AGPAT4: variants seen among roughly 807,000 people sequenced by gnomAD.
AGPAT4 encodes 1-acyl-sn-glycerol-3-phosphate acyltransferase delta.
In AGPAT4, 15 loss-of-function variants were observed where a neutral mutation model predicts 48.0. That is an observed-to-expected ratio of 0.31 (90% confidence interval 0.21 to 0.48). The LOEUF (loss-of-function observed/expected upper bound fraction) is 0.48, where lower values mean the gene tolerates loss of function less well. Among genes scored for constraint, AGPAT4 ranks in the 20% least tolerant of loss-of-function variants. The pLI is 0.99. For missense variants in AGPAT4, 314 were observed against 482.5 expected, an observed-to-expected ratio of 0.65 and a Z score of 3.27; for synonymous variants, 178 against 198.7, an observed-to-expected ratio of 0.90 and a Z score of 0.88.
rs78560665 is a variant in AGPAT4 at position 161,263,004 on chromosome 6, G to C, written c.-90+10934C>G. ...GAAGGCCCACCAAGGCGAGTGACCA[G>C]AGGCAGAAGAGACAGACCCAAGCCA... On this transcript the variant is annotated intron_variant, in intron 1 of 8. Coordinates refer to ENST00000320285, the MANE Select transcript of AGPAT4 (RefSeq NM_020133.3). Among the ~76,000 whole-genome samples, 43 of 152,260 alleles carry C rather than the reference G, an allele frequency of 2.8e-4. No homozygotes were observed. The East Asian group carries it at 8.3e-3, about 29-fold the overall frequency.
intron 2 of AGPAT4, among the ~76,000 whole-genome samples, chr6:161,207,971 G>T (rs1315291848): frequency 6.6e-6 from 1 of 152,078 alleles, no homozygotes; most frequent in African/African-American, 2.4e-5. Flanking sequence ...ATCATTCAAG[G>T]CATGCCTTGA....
intron 2 of AGPAT4, among the ~76,000 whole-genome samples, chr6:161,181,471 G>A (rs1341049822): frequency 6.6e-6 from 1 of 150,810 alleles, no homozygotes; most frequent in African/African-American, 2.4e-5. Context: ...ACCTCCCCTG[G>A]GTATTAGGCC....
chr6:161,224,657 A>AAAAG (rs993547226), intron 2 of AGPAT4, among the ~76,000 whole-genome samples: 1 of 151,460 alleles, frequency 6.6e-6, no homozygotes, highest in Non-Finnish European at 1.5e-5. Flanking sequence ...AAAAAAAAAA[A>AAAAG]AAAGAAAGAA....
In AGPAT4 at chr6:161,244,174, C is replaced by A. The variant is rs947387473; in HGVS notation, c.-89-11872G>T. ...TTCCTGATCTCAAACAGACATACAG[C>A]GAGGAGCTGACGACACAATTCTAAC... is the stretch of plus-strand genomic sequence containing the variant. On this transcript the variant is annotated intron_variant, in intron 1 of 8. Coordinates refer to ENST00000320285, the MANE Select transcript of AGPAT4 (RefSeq NM_020133.3). This position sits in a 1 kb window ranked among gnomAD's most constrained non-coding sequence, Gnocchi z 4.7. 6.6e-6 allele frequency among the ~76,000 whole-genome samples: 1 copy of A among 152,136 alleles called. No individual in the cohort carries two copies. Among genetic ancestry groups the A allele is most frequent in the African/African-American group, 2.4e-5 (1 of 41,424 alleles).
chr6:161,222,167 A>G lies in AGPAT4; in HGVS notation c.178+9869T>C, dbSNP rs1425062709. Among the ~76,000 whole-genome samples the G allele has an allele frequency of 6.6e-6, 1 of 152,230 alleles. No individual in the cohort carries two copies. The highest frequency in any genetic ancestry group is 1.5e-5 in the Non-Finnish European group (1 of 68,038). ...CACACCCAGCCTGGAAGATGCAGTC[A>G]ATCCATCCATCAATCAATAAAAGGT... On this transcript the variant is annotated intron_variant, in intron 2 of 8. Coordinates refer to ENST00000320285, the MANE Select transcript of AGPAT4 (RefSeq NM_020133.3). The surrounding 1 kb of genome is among the most constrained non-coding windows in gnomAD (Gnocchi z 5.9).
chr6:161,260,675 A>C (rs1336038023), intron 1 of AGPAT4, among the ~76,000 whole-genome samples: 15 of 150,574 alleles, frequency 1.0e-4, no homozygotes, highest in Admixed American at 5.9e-4. Context: ...AAAAAAAAAA[A>C]AAAAAAACAG....
chr6:161,135,508 T>G lies in AGPAT4; in HGVS notation c.*1032A>C, dbSNP rs575919786. On this transcript the variant is annotated 3_prime_UTR_variant, in exon 9 of 9. Transcript: ENST00000320285. ...CGGAAGGAAGGCAGAAGCCTGGGGG[T>G]TTTTTGTACATGGGATGTCGGCTCT... The G allele has an allele frequency of 6.6e-6, 1 of 152,050 alleles. No homozygotes were observed. Among genetic ancestry groups the G allele is most frequent in the East Asian group, 1.9e-4 (1 of 5,170 alleles). The allele number at this position is 152,050 out of a possible 1,614,324, so 9.4% of individuals were successfully genotyped here.
chr6:161,243,509 G>A lies in AGPAT4; in HGVS notation c.-89-11207C>T, dbSNP rs1269321765. ...TGTGCCCAGAGCCTGCAGGAGAGGCGCTGTTTCCTAGCTGTGCAATCTTGG... is the reference window on the plus strand; with the variant it reads ...TGTGCCCAGAGCCTGCAGGAGAGGCACTGTTTCCTAGCTGTGCAATCTTGG... On this transcript the variant is annotated intron_variant, in intron 1 of 8. Coordinates refer to ENST00000320285, the MANE Select transcript of AGPAT4 (RefSeq NM_020133.3). This position sits in a 1 kb window ranked among gnomAD's most constrained non-coding sequence, Gnocchi z 4.8. 2.0e-5 allele frequency among the ~76,000 whole-genome samples: 3 copies of A among 152,190 alleles called. No homozygotes were observed. The highest frequency in any genetic ancestry group is 3.9e-4 in the East Asian group (2 of 5,192).
rs1190026054 is a variant in AGPAT4, at chr6:161,202,594, C to A, written c.178+29442G>T. On this transcript the variant is annotated intron_variant, in intron 2 of 8. Transcript: ENST00000320285. This position sits in a 1 kb window ranked among gnomAD's most constrained non-coding sequence, Gnocchi z 5.4. ...CATATTTAAAAATTACCATCTATAA[C>A]AGACTGTATTTTCCAAAGATGGCTA... 6.6e-6 allele frequency among the ~76,000 whole-genome samples: 1 copy of A among 152,140 alleles called. No homozygotes were observed. Among genetic ancestry groups the A allele is most frequent in the Non-Finnish European group, 1.5e-5 (1 of 68,030 alleles).
intron 2 of AGPAT4, among the ~76,000 whole-genome samples, chr6:161,207,169 C>G (rs918450302): frequency 6.6e-6 from 1 of 152,174 alleles, no homozygotes; most frequent in African/African-American, 2.4e-5. Context: ...TGTGGACAAT[C>G]AATTAGTGAT....
In AGPAT4 at chr6:161,267,706, G is replaced by C. The variant is rs1783305221; in HGVS notation, c.-90+6232C>G. Among the ~76,000 whole-genome samples the C allele has an allele frequency of 6.6e-6, 1 of 151,108 alleles. No homozygotes were observed. Among genetic ancestry groups the C allele is most frequent in the Non-Finnish European group, 1.5e-5 (1 of 67,852 alleles). On this transcript the variant is annotated intron_variant, in intron 1 of 8. Transcript: ENST00000320285. This position sits in a 1 kb window ranked among gnomAD's most constrained non-coding sequence, Gnocchi z 5.2. The stretch of plus-strand genomic sequence containing the variant: ...CATTGCACTCCAGCCTGGGCAACAA[G>C]AACAAAACTCTGTCTCAAAAAAAAA...
intron 2 of AGPAT4, among the ~76,000 whole-genome samples, chr6:161,209,628 C>T (rs933228267): frequency 4.6e-5 from 7 of 152,080 alleles, no homozygotes; most frequent in African/African-American, 1.2e-4. Context: ...ATGTCAGACC[C>T]GAACAGGCTC....
chr6:161,259,851 C>T lies in AGPAT4; in HGVS notation c.-90+14087G>A, dbSNP rs1194479939. 6.6e-6 allele frequency among the ~76,000 whole-genome samples: 1 copy of T among 152,138 alleles called. No individual in the cohort carries two copies. Among genetic ancestry groups the T allele is most frequent in the African/African-American group, 2.4e-5 (1 of 41,430 alleles). On this transcript the variant is annotated intron_variant, in intron 1 of 8. Coordinates refer to ENST00000320285, the MANE Select transcript of AGPAT4 (RefSeq NM_020133.3). The surrounding 1 kb of genome is among the most constrained non-coding windows in gnomAD (Gnocchi z 4.9). ...TTTTTACAATGTCAGCACCTAGCTC[C>T]ATGGTATCTATGTGCACGCTGCACC...
chr6:161,138,129 C>A lies in AGPAT4; in HGVS notation c.1042+1293G>T, dbSNP rs1779132133. ...CCTGCAGCTGCCCCGGACCCTTGGC[C>A]AGCCTCAGCATGGCGGGGCATGGGG... On this transcript the variant is annotated intron_variant, in intron 8 of 8. Coordinates refer to ENST00000320285, the MANE Select transcript of AGPAT4 (RefSeq NM_020133.3). This position sits in a 1 kb window ranked among gnomAD's most constrained non-coding sequence, Gnocchi z 4.8. 6.6e-6 allele frequency among the ~76,000 whole-genome samples: 1 copy of A among 152,216 alleles called. No individual in the cohort carries two copies. Among genetic ancestry groups the A allele is most frequent in the African/African-American group, 2.4e-5 (1 of 41,458 alleles).
At position 161,272,800 on chromosome 6, in the gene AGPAT4, T is replaced by A. The variant is rs1471652798; in HGVS notation, c.-90+1138A>T. Reference sequence around the variant, plus strand: ...CTGAGAGTCGTTGACTAATCACAGATGAGTTAATCCTTCCACAGTTTTGAA... The same window carrying A: ...CTGAGAGTCGTTGACTAATCACAGAAGAGTTAATCCTTCCACAGTTTTGAA... On this transcript the variant is annotated intron_variant, in intron 1 of 8. Transcript: ENST00000320285. The surrounding 1 kb of genome is among the most constrained non-coding windows in gnomAD (Gnocchi z 4.2). Among the ~76,000 whole-genome samples the A allele has an allele frequency of 6.6e-6, 1 of 152,100 alleles. No individual in the cohort carries two copies. Among genetic ancestry groups the A allele is most frequent in the Non-Finnish European group, 1.5e-5 (1 of 68,036 alleles).
rs917621050 is a variant in AGPAT4 at position 161,240,331 on chromosome 6, T to C, written c.-89-8029A>G. 1.1e-4 allele frequency among the ~76,000 whole-genome samples: 17 copies of C among 152,192 alleles called. No individual in the cohort carries two copies. Among genetic ancestry groups the C allele is most frequent in the Admixed American group, 1.1e-3 (17 of 15,286 alleles). Reference sequence around the variant, plus strand: ...CAAGACTACAGCTTCAGCATCTTTATCCTTAGGAAGAAACTGACAAGGTGC... The same window carrying C: ...CAAGACTACAGCTTCAGCATCTTTACCCTTAGGAAGAAACTGACAAGGTGC... On this transcript the variant is annotated intron_variant, in intron 1 of 8. Coordinates refer to ENST00000320285, the MANE Select transcript of AGPAT4 (RefSeq NM_020133.3). This position sits in a 1 kb window ranked among gnomAD's most constrained non-coding sequence, Gnocchi z 5.5.
rs1215165920 is a variant in AGPAT4 at position 161,133,014 on chromosome 6, A to T, written c.*3526T>A. 1.3e-5 allele frequency: 2 copies of T among 152,186 alleles called. No individual in the cohort carries two copies. Among genetic ancestry groups the T allele is most frequent in the Non-Finnish European group, 2.9e-5 (2 of 68,026 alleles). 9.4% of individuals were successfully genotyped at this position (152,186 alleles called of 1,614,324 possible). A position where few individuals can be genotyped will look rare whatever the true frequency, so the allele number is the denominator to read the frequency against. The stretch of plus-strand genomic sequence containing the variant: ...CCAAAGTATTTGTTTTTCTCACTTT[A>T]TCTTTAACCTAGTATGTGGCAAGTC... On this transcript the variant is annotated 3_prime_UTR_variant, in exon 9 of 9. Coordinates refer to ENST00000320285, the MANE Select transcript of AGPAT4 (RefSeq NM_020133.3).
In AGPAT4 at chr6:161,149,010, G is replaced by C. The variant is rs1002948885; in HGVS notation, c.767+177C>G. The stretch of plus-strand genomic sequence containing the variant: ...CAGAGGATCCGGAAGGAGCTGGGAC[G>C]GAAGGAGACTTCAGCAGATCATTCC... On this transcript the variant is annotated intron_variant, in intron 6 of 8. Transcript: ENST00000320285. This position sits in a 1 kb window ranked among gnomAD's most constrained non-coding sequence, Gnocchi z 6.5. Among the ~76,000 whole-genome samples the C allele has an allele frequency of 7.7e-4, 118 of 152,302 alleles. No individual in the cohort carries two copies. Among genetic ancestry groups the C allele is most frequent in the African/African-American group, 2.6e-3 (110 of 41,558 alleles).
Position 161,178,871 on chromosome 6 carries a change from A to G in AGPAT4, c.179-12454T>C, listed in dbSNP as rs983594814. Reference sequence around the variant, plus strand: ...AGTGAATGCCATCTCTCTACAAAGCAGTCACATTCGGATTCTGCTCTTGCA... The same window carrying G: ...AGTGAATGCCATCTCTCTACAAAGCGGTCACATTCGGATTCTGCTCTTGCA... On this transcript the variant is annotated intron_variant, in intron 2 of 8. Coordinates refer to ENST00000320285, the MANE Select transcript of AGPAT4 (RefSeq NM_020133.3). This position sits in a 1 kb window ranked among gnomAD's most constrained non-coding sequence, Gnocchi z 5.1. Among the ~76,000 whole-genome samples the G allele has an allele frequency of 3.3e-5, 5 of 152,234 alleles. No individual in the cohort carries two copies. The highest frequency in any genetic ancestry group is 2.6e-4 in the Admixed American group (4 of 15,288).
Sources: allele counts gnomAD v4.1 joint callset (sites outside exome capture counted in the v4.1 genomes callset), GRCh38; gene constraint gnomAD v4.1.1; non-coding constraint Gnocchi (gnomAD v3.1); transcripts MANE v1.5; gene names NCBI Gene and HGNC (gene_info 2026-07-23, HGNC 2026-07-21).